Variants in EYS observed in about 807,000 individuals in gnomAD.
The protein encoded by EYS is protein eyes shut homolog.
EYS carries 250 observed loss-of-function variants against 282.1 expected under a neutral mutation model. That is an observed-to-expected ratio of 0.89 (90% confidence interval 0.80 to 0.98). EYS has a LOEUF of 0.98. Among genes scored for constraint, EYS ranks in the 50% least tolerant of loss-of-function variants. EYS has a pLI of 0.00. For synonymous variants in EYS, 1,355 were observed against 1,282.9 expected, an observed-to-expected ratio of 1.06 and a Z score of -1.20; for missense variants, 4,016 against 3,709.0, an observed-to-expected ratio of 1.08 and a Z score of -2.15.
intron 30 of EYS, among the ~76,000 whole-genome samples, chr6:64,243,115 A>C (rs1245935572): frequency 6.7e-6 from 1 of 150,174 alleles, no homozygotes; most frequent in East Asian, 1.9e-4. Flanking sequence ...TGTATATATA[A>C]AATCTCCAAC....
intron 5 of EYS, among the ~76,000 whole-genome samples, chr6:65,451,638 G>A (rs954171995): frequency 6.6e-6 from 1 of 151,968 alleles, no homozygotes; most frequent in African/African-American, 2.4e-5. Flanking sequence ...AGCTTAAAGA[G>A]TTTGCTCAAA....
At chr6:64,615,831 A>G (rs1177948159) in intron 24 of EYS, among the ~76,000 whole-genome samples, 1 of 152,104 alleles carries the variant, frequency 6.6e-6, no homozygotes, top group Non-Finnish European at 1.5e-5. Flanking sequence ...AATTTAGTAA[A>G]TGCCTTACTA....
intron 12 of EYS, among the ~76,000 whole-genome samples, chr6:65,247,700 G>T (rs1767215636): frequency 6.6e-6 from 1 of 151,990 alleles, no homozygotes. Flanking sequence ...AAAATAGAAG[G>T]ATTAGAATGC....
Position 63,751,090 on chromosome 6 carries a change from T to A in EYS, c.8071+11371A>T, listed in dbSNP as rs145251146. Among the ~76,000 whole-genome samples, 352 of 152,324 alleles carry A rather than the reference T, an allele frequency of 2.3e-3. 2 individuals carry two copies. The highest frequency in any genetic ancestry group is 8.2e-3 in the African/African-American group (341 of 41,584). ...CTGATGGTTATTTGCTACCAAATCATCCTGTTCTTGGTGGTGTACCTCAAG... is the reference window on the plus strand; with the variant it reads ...CTGATGGTTATTTGCTACCAAATCAACCTGTTCTTGGTGGTGTACCTCAAG... On this transcript the variant is annotated intron_variant, in intron 41 of 42. Coordinates refer to ENST00000503581, the MANE Select transcript of EYS (RefSeq NM_001142800.2).
chr6:64,036,339 C>A (rs1192660928), intron 33 of EYS, among the ~76,000 whole-genome samples: 2 of 151,968 alleles, frequency 1.3e-5, no homozygotes, highest in Admixed American at 1.3e-4. Context: ...CATGGATGGC[C>A]TTAATAATCA....
chr6:63,875,827 T>C (rs890567942), intron 35 of EYS, among the ~76,000 whole-genome samples: 5 of 152,182 alleles, frequency 3.3e-5, no homozygotes, highest in Non-Finnish European at 7.3e-5. Flanking sequence ...ATCCCCTTTA[T>C]CATTTTTTAT....
intron 2 of EYS, among the ~76,000 whole-genome samples, chr6:65,580,392 T>A (rs895494594): frequency 6.6e-6 from 1 of 152,076 alleles, no homozygotes; most frequent in East Asian, 1.9e-4. Flanking sequence ...ACAGAACTCA[T>A]TGGGTCTAGT....
intron 35 of EYS, among the ~76,000 whole-genome samples, chr6:63,940,822 A>C (rs1765213147): frequency 7.4e-6 from 1 of 135,290 alleles, no homozygotes; most frequent in African/African-American, 2.7e-5. Flanking sequence ...TCTTAATACT[A>C]TCCCTCCCCC....
At chr6:63,951,017 G>C (rs967873546) in intron 35 of EYS, among the ~76,000 whole-genome samples, 1 of 152,056 alleles carries the variant, frequency 6.6e-6, no homozygotes, top group Admixed American at 6.6e-5. Context: ...CCACGGGGAT[G>C]CCTGCCTTGA....
chr6:63,805,627 C>T (rs1387621706), intron 37 of EYS, among the ~76,000 whole-genome samples: 1 of 152,110 alleles, frequency 6.6e-6, no homozygotes, highest in Admixed American at 6.5e-5. Context: ...TTTGTGTTCC[C>T]ACGCAAACCT....
rs1166113924 is a variant in EYS at position 64,439,236 on chromosome 6, G to T, written c.5761C>A (p.Leu1921Met). Reference sequence around the variant, plus strand: ...AAATTTGAGTCTTGCTTGACATACAGCAGAAGTCCATAGGAGCTGAAGGTC... The same window carrying T: ...AAATTTGAGTCTTGCTTGACATACATCAGAAGTCCATAGGAGCTGAAGGTC... ...FQTFSSYGLL[L>M]YVKQDSNLVD... The change falls in exon 27 of 43, where the codon CTG becomes ATG. Residue 1921 changes from leucine (L) to methionine (M), a missense_variant. Transcript: ENST00000503581. 6.6e-7 allele frequency: 1 copy of T among 1,510,030 alleles called. No homozygotes were observed. The highest frequency in any genetic ancestry group is 8.9e-7 in the Non-Finnish European group (1 of 1,129,386). 93.5% of individuals were successfully genotyped at this position (1,510,030 alleles called of 1,614,324 possible). A position where few individuals can be genotyped will look rare whatever the true frequency, so the allele number is the denominator to read the frequency against.
At chr6:64,572,785 T>C (rs878946667) in intron 26 of EYS, among the ~76,000 whole-genome samples, 4 of 152,108 alleles carry the variant, frequency 2.6e-5, no homozygotes, top group African/African-American at 4.8e-5. Context: ...TGTAAACAAA[T>C]GGAAAAACAT....
At chr6:65,300,280 G>A (rs560833591) in intron 11 of EYS, among the ~76,000 whole-genome samples, 4 of 152,006 alleles carry the variant, frequency 2.6e-5, no homozygotes, top group East Asian at 1.9e-4. Context: ...AGGCTTTACC[G>A]CCTGTCTTCT....
At chr6:64,500,812 A>G (rs184743481) in intron 26 of EYS, among the ~76,000 whole-genome samples, 71 of 152,198 alleles carry the variant, frequency 4.7e-4, no homozygotes, top group Non-Finnish European at 9.0e-4. Flanking sequence ...TAGAAAACCA[A>G]TGTGATTGTG....
At chr6:65,258,012 A>G (rs1414839053) in intron 12 of EYS, among the ~76,000 whole-genome samples, 1 of 152,076 alleles carries the variant, frequency 6.6e-6, no homozygotes, top group Non-Finnish European at 1.5e-5. Flanking sequence ...TGTACCTAAC[A>G]CAAAGAAATG....
intron 26 of EYS, among the ~76,000 whole-genome samples, chr6:64,537,298 A>G (rs976836100): frequency 8.0e-5 from 12 of 149,928 alleles, no homozygotes; most frequent in Admixed American, 1.3e-4. Flanking sequence ...GAGAATGATG[A>G]TTTCCAATTT....
intron 2 of EYS, among the ~76,000 whole-genome samples, chr6:65,553,853 T>C (rs952321358): frequency 2.0e-5 from 3 of 151,884 alleles, no homozygotes; most frequent in Non-Finnish European, 4.4e-5. Context: ...TACATACTCA[T>C]ATTCATTAAT....
intron 22 of EYS, among the ~76,000 whole-genome samples, chr6:64,779,709 A>G (rs1008280051): frequency 2.0e-5 from 3 of 152,194 alleles, no homozygotes; most frequent in Admixed American, 6.5e-5. Context: ...ATGTTGATAA[A>G]AGAGGAAACT....
At chr6:65,255,271 TGG>T (rs1158085861) in intron 12 of EYS, among the ~76,000 whole-genome samples, 1 of 152,018 alleles carries the variant, frequency 6.6e-6, no homozygotes, top group African/African-American at 2.4e-5. Flanking sequence ...AAATATACAC[TGG>T]GGAAAGAACA....
Sources: gnomAD v4.1 joint callset for allele counts (sites outside exome capture counted in the v4.1 genomes callset) on GRCh38, gnomAD v4.1.1 for gene constraint, MANE v1.5 for transcripts, NCBI Gene and HGNC (gene_info 2026-07-23, HGNC 2026-07-21) for gene names.